Variants in THOP1 observed in about 807,000 individuals in gnomAD.
THOP1 encodes thimet oligopeptidase 1.
THOP1 carries 49 observed loss-of-function variants against 71.8 expected under a neutral mutation model. That is an observed-to-expected ratio of 0.68 (90% CI 0.54 to 0.87). The LOEUF (loss-of-function observed/expected upper bound fraction) is 0.87, where lower values mean the gene tolerates loss of function less well. Among genes scored for constraint, THOP1 ranks in the 40% least tolerant of loss-of-function variants. The pLI, the probability that THOP1 is intolerant of heterozygous loss-of-function variation, is 0.00. For synonymous variants in THOP1, 426 were observed against 421.5 expected (o/e 1.01, Z -0.13); for missense variants, 843 against 975.6 (o/e 0.86, Z 1.81).
intron 4 of THOP1, among the ~76,000 whole-genome samples, chr19:2,797,740 C>T (rs1916053677): frequency 6.6e-6 from 1 of 152,212 alleles, no homozygotes; most frequent in Non-Finnish European, 1.5e-5. Context: ...TGTCCTAAGT[C>T]AGGGAGCATC....
intron 9 of THOP1, chr19:2,809,927 C>A (rs1916412315): frequency 7.4e-6 from 2 of 269,572 alleles, no homozygotes; most frequent in African/African-American, 2.2e-5. Context: ...GAAGGTTCCA[C>A]ACACACACGA....
At chr19:2,786,780 T>TTTTTTTTTTTTTTTTTG (rs1568317132) in intron 1 of THOP1, among the ~76,000 whole-genome samples, 1 of 147,882 alleles carries the variant, frequency 6.8e-6, no homozygotes, top group African/African-American at 2.5e-5. Context: ...TTTTTTTTTT[T>TTTTTTTTTTTTTTTTTG]GGAGATAGAG....
intron 4 of THOP1, among the ~76,000 whole-genome samples, chr19:2,797,026 C>T (rs2144765257): frequency 6.6e-6 from 1 of 152,322 alleles, no homozygotes; most frequent in East Asian, 1.9e-4. Context: ...TGGAAAGATG[C>T]GTGTCACAGT....
At chr19:2,795,954 A>T in intron 3 of THOP1, 127 bp from the exon 4 acceptor site, 1 of 651,146 alleles carries the variant, frequency 1.5e-6, no homozygotes, top group Non-Finnish European at 2.7e-6. Context: ...TCTGAGATAA[A>T]TGCCCAGGAG....
At chr19:2,810,009 G>T in intron 9 of THOP1, 2 of 480,420 alleles carry the variant, frequency 4.2e-6, no homozygotes, top group Non-Finnish European at 7.4e-6. Flanking sequence ...ACCCCTCGGG[G>T]TGCGGAGCTT....
intron 7 of THOP1, 37 bp from the exon 8 acceptor site, chr19:2,807,405 G>A (rs745926841): frequency 3.3e-6 from 5 of 1,537,556 alleles, no homozygotes; most frequent in East Asian, 2.3e-5. Context: ...GGAGGAGCCC[G>A]CGAGGCGAGA....
In THOP1 at chr19:2,801,204, TG is replaced by T. The variant is rs1467482075; in HGVS notation, c.589+1417del. ...GCTCGTGGGTCCTGGGTGTGAATCC[TG>T]GGGAAGTCTGTATGAAGCGCGGTGG... On this transcript the variant is annotated intron_variant, in intron 5 of 12. Transcript: ENST00000307741. This position sits in a 1 kb window ranked among gnomAD's most constrained non-coding sequence, Gnocchi z 5.1. Among the ~76,000 whole-genome samples, 1 of 152,270 alleles carries T rather than the reference TG, an allele frequency of 6.6e-6. No homozygotes were observed. Among genetic ancestry groups the T allele is most frequent in the East Asian group, 1.9e-4 (1 of 5,186 alleles).
intron 3 of THOP1, among the ~76,000 whole-genome samples, 185 bp downstream of exon 3, chr19:2,795,097 G>T (rs1434574059): frequency 6.6e-6 from 1 of 151,982 alleles, no homozygotes; most frequent in Non-Finnish European, 1.5e-5. Context: ...GTGCTGGGAT[G>T]ACAGGTGTGA....
intron 4 of THOP1, among the ~76,000 whole-genome samples, chr19:2,798,216 A>G (rs1012461691): frequency 6.6e-6 from 1 of 152,022 alleles, no homozygotes; most frequent in African/African-American, 2.4e-5. Context: ...TTTTTGATAG[A>G]GACAGGGTTT....
In THOP1 at chr19:2,804,256, C is replaced by T. The variant is rs750175336; in HGVS notation, c.590-760C>T. Among the ~76,000 whole-genome samples the T allele has an allele frequency of 9.9e-5, 15 of 152,178 alleles. No homozygotes were observed. The highest frequency in any genetic ancestry group is 3.1e-4 in the African/African-American group (13 of 41,438). ...CCGCCCCCACTTCTCTTGAGGCTGT[C>T]GGGCAGGGGCCAGGTGGGAGGGTGT... On this transcript the variant is annotated intron_variant, in intron 5 of 12. Transcript: ENST00000307741. This position sits in a 1 kb window ranked among gnomAD's most constrained non-coding sequence, Gnocchi z 4.7.
intron 2 of THOP1, among the ~76,000 whole-genome samples, chr19:2,792,907 G>A (rs1269105368): frequency 6.6e-6 from 1 of 151,736 alleles, no homozygotes; most frequent in Non-Finnish European, 1.5e-5. Flanking sequence ...GCTGGGTGGC[G>A]GCTCACACCT....
intron 1 of THOP1, among the ~76,000 whole-genome samples, chr19:2,787,932 A>G (rs1294047749): frequency 6.6e-6 from 1 of 152,210 alleles, no homozygotes; most frequent in Non-Finnish European, 1.5e-5. Flanking sequence ...TCACTGCAGA[A>G]AGAGTAATTT....
chr19:2,807,747 A>G lies in THOP1; in HGVS notation c.1192A>G (p.Thr398Ala). The G allele has an allele frequency of 6.4e-7, 1 of 1,565,370 alleles. No individual in the cohort carries two copies. The highest frequency in any genetic ancestry group is 1.8e-5 in the Admixed American group (1 of 55,520). ...SAWHEDVRLY[T>A]ARDAASGEVV... The stretch of plus-strand genomic sequence containing the variant: ...CTGGCATGAGGACGTGCGGCTCTAC[A>G]CCGCGAGGGACGCGGCCTCGGGGGA... The change falls in exon 8 of 13, where the codon ACC (threonine) becomes GCC (alanine). Residue 398 changes from threonine (T) to alanine (A), a missense_variant. Thr to Ala is a moderately conservative substitution (Grantham distance 58, BLOSUM62 0). Transcript: ENST00000307741.
chr19:2,792,216 C>G (rs908363886), intron 2 of THOP1, among the ~76,000 whole-genome samples: 6 of 152,220 alleles, frequency 3.9e-5, no homozygotes, highest in African/African-American at 1.2e-4. Flanking sequence ...CCAGAGCCCC[C>G]ACTACAGGCT....
Position 2,807,528 on chromosome 19 carries a change from G to T in THOP1, c.973G>T (p.Gly325Cys). Reference protein sequence around the residue: ...ELKRAECERRGLPFDGRIRAW... With the variant: ...ELKRAECERRCLPFDGRIRAW... The stretch of plus-strand genomic sequence containing the variant: ...GAAGCGTGCGGAGTGCGAGCGCCGG[G>T]GCCTGCCCTTCGACGGCCGCATCCG... Residue 325 changes from glycine (G) to cysteine (C), a missense_variant, in exon 8 of 13, where the codon GGC (glycine) becomes TGC (cysteine). Gly to Cys is a radical substitution (Grantham distance 159). Transcript: ENST00000307741. The T allele has an allele frequency of 6.2e-7, 1 of 1,612,306 alleles. No individual in the cohort carries two copies.
At position 2,808,267 on chromosome 19, in the gene THOP1, C is replaced by T. The variant is rs1377209582; in HGVS notation, c.1278C>T (p.Ala426=). ...YPREGKYGHA[A]CFGLQPGCLR... ...GGGAAGGAAAGTACGGGCACGCGGC[C>T]TGCTTTGGCCTGCAGCCCGGCTGCC... The change falls in exon 9 of 13, where the codon GCC becomes GCT. Residue 426 remains alanine (A), a synonymous_variant. Transcript: ENST00000307741. The T allele has an allele frequency of 3.2e-6, 5 of 1,552,964 alleles. No individual in the cohort carries two copies. Among genetic ancestry groups the T allele is most frequent in the Non-Finnish European group, 4.4e-6 (5 of 1,147,690 alleles).
At chr19:2,803,583 G>C (rs1350276307) in intron 5 of THOP1, among the ~76,000 whole-genome samples, 1 of 152,136 alleles carries the variant, frequency 6.6e-6, no homozygotes, top group African/African-American at 2.4e-5. Flanking sequence ...TCCCGTCTCC[G>C]ACCGCCAGCC....
rs1916305853 is a variant in THOP1 at position 2,806,932 on chromosome 19, C to A, written c.766C>A (p.Leu256Ile). The A allele has an allele frequency of 1.2e-6, 2 of 1,613,094 alleles. No homozygotes were observed. The highest frequency in any genetic ancestry group is 1.7e-6 in the Non-Finnish European group (2 of 1,179,798). Residue 256 changes from leucine to isoleucine, a missense_variant, in exon 7 of 13, where the codon CTC becomes ATC. Leu to Ile is a conservative substitution (Grantham distance 5). Coordinates refer to ENST00000307741, the MANE Select transcript of THOP1 (RefSeq NM_003249.5). Reference sequence around the variant, plus strand: ...TCGGTTGCAGGAGAACTGCGCTATCCTCAAGGAGCTGGTGACGCTGCGGGC... The same window carrying A: ...TCGGTTGCAGGAGAACTGCGCTATCATCAAGGAGCTGGTGACGCTGCGGGC... The part of the protein sequence containing the change: ...CRCKEENCAI[L>I]KELVTLRAQK...
Position 2,794,799 on chromosome 19 carries a change from T to C in THOP1, c.265T>C (p.Ser89Pro). 1 of 1,613,468 alleles carries C rather than the reference T, an allele frequency of 6.2e-7. No individual in the cohort carries two copies. The highest frequency in any genetic ancestry group is 8.5e-7 in the Non-Finnish European group (1 of 1,179,782). Residue 89 changes from serine (S) to proline (P), a missense_variant, in exon 3 of 13, where the codon TCC becomes CCC. By Grantham distance (74) the Ser-to-Pro change is moderately conservative. Coordinates refer to ENST00000307741, the MANE Select transcript of THOP1 (RefSeq NM_003249.5). Reference sequence around the variant, plus strand: ...TATCCTTGACTTCCCCCAGCATGTTTCCCCCTCCAAGGACATCCGGACAGC... The same window carrying C: ...TATCCTTGACTTCCCCCAGCATGTTCCCCCCTCCAAGGACATCCGGACAGC... ...RNILDFPQHV[S>P]PSKDIRTAST... is the part of the protein sequence containing the mutation.
Sources: allele counts gnomAD v4.1 joint callset (sites outside exome capture counted in the v4.1 genomes callset), GRCh38; gene constraint gnomAD v4.1.1; non-coding constraint Gnocchi (gnomAD v3.1); transcripts MANE v1.5; gene names NCBI Gene and HGNC (gene_info 2026-07-23, HGNC 2026-07-21).